The following HGD variants were observed in gnomAD, a reference collection of about 807,000 sequenced individuals.
HGD encodes homogentisate 1,2-dioxygenase.
In HGD, 61 loss-of-function variants were observed where a neutral mutation model predicts 60.8. The observed-to-expected ratio is 1.00, with a 90% confidence interval of 0.82 to 1.24. The LOEUF (loss-of-function observed/expected upper bound fraction) is 1.24, where lower values mean the gene tolerates loss of function less well. Among genes scored for constraint, HGD ranks in the 50% most tolerant of loss-of-function variants. HGD has a pLI of 0.00. For synonymous variants in HGD, 212 were observed against 187.7 expected (o/e 1.13, Z -1.06); for missense variants, 542 against 547.1 (o/e 0.99, Z 0.09).
At chr3:120,652,693 G>T (rs780780542) in intron 4 of HGD, 42 bp from the exon 5 acceptor site, 9 of 1,351,286 alleles carry the variant, frequency 6.7e-6, no homozygotes, top group Non-Finnish European at 9.5e-6. Context: ...CTTCACAAGG[G>T]TAAACCATAG....
At chr3:120,640,782 A>T (rs575442193) in intron 11 of HGD, among the ~76,000 whole-genome samples, 9 of 152,200 alleles carry the variant, frequency 5.9e-5, no homozygotes, top group African/African-American at 2.2e-4. Context: ...TGCTTTTATT[A>T]AGAGTTGCTG....
intron 6 of HGD, among the ~76,000 whole-genome samples, chr3:120,650,350 C>A (rs369087034): frequency 3.6e-4 from 55 of 152,338 alleles, no homozygotes; most frequent in African/African-American, 1.1e-3. Flanking sequence ...AGCCCAATCA[C>A]CTTGGGCACA....
At chr3:120,645,523 T>C (rs998172872) in intron 9 of HGD, among the ~76,000 whole-genome samples, 32 of 152,200 alleles carry the variant, frequency 2.1e-4, no homozygotes, top group African/African-American at 7.7e-4. Flanking sequence ...TTCCTCCAGC[T>C]TGCCAGAAGA....
chr3:120,649,428 C>T (rs1376969253), intron 6 of HGD, among the ~76,000 whole-genome samples: 1 of 152,080 alleles, frequency 6.6e-6, no homozygotes, highest in Non-Finnish European at 1.5e-5. Context: ...CAGGCGTGAT[C>T]CACTGTGCCC....
rs530032005 is a variant in HGD at position 120,674,967 on chromosome 3, T to A, written c.110A>T (p.Tyr37Phe). 12 of 1,611,252 alleles carry A rather than the reference T, an allele frequency of 7.4e-6. No homozygotes were observed. Among genetic ancestry groups the A allele is most frequent in the Non-Finnish European group, 9.3e-6 (11 of 1,177,786 alleles). ...EGQNNPQVCPYNLYAEQLSGS... is the reference protein window; with the variant it reads ...EGQNNPQVCPFNLYAEQLSGS... ...TGAGAGCTGCTCAGCATAGAGATTG[T>A]AGGGGCAGACCTGAGGATTATTCTG... is the stretch of plus-strand genomic sequence containing the variant. The change falls in exon 3 of 14, where the codon TAC becomes TTC. Residue 37 changes from tyrosine (Y) to phenylalanine (F), a missense_variant. By Grantham distance (22) the Tyr-to-Phe change is conservative. Transcript: ENST00000283871.
intron 13 of HGD, among the ~76,000 whole-genome samples, chr3:120,630,831 T>TAC (rs1232070414): frequency 1.4e-4 from 11 of 77,072 alleles, no homozygotes; most frequent in Non-Finnish European, 2.0e-4. Context: ...TATATACACA[T>TAC]ACACACACAC....
chr3:120,661,085 A>C (rs1297386495), intron 4 of HGD, among the ~76,000 whole-genome samples: 1 of 152,208 alleles, frequency 6.6e-6, no homozygotes, highest in Non-Finnish European at 1.5e-5. Flanking sequence ...GGTTTAGAAC[A>C]GTTAAATTTT....
intron 12 of HGD, chr3:120,633,653 G>A (rs1219827903): frequency 1.3e-5 from 16 of 1,203,068 alleles, no homozygotes; most frequent in Middle Eastern, 4.4e-4. Context: ...AATAGAGAGC[G>A]AATGTACTCT....
rs1376406213 is a variant in HGD, at chr3:120,661,234, C to T, written c.283-8583G>A. On this transcript the variant is annotated intron_variant, in intron 4 of 13. Coordinates refer to ENST00000283871, the MANE Select transcript of HGD (RefSeq NM_000187.4). ...GGCTCCTAAACCCAAGCTTTCCCTC[C>T]TTTTAATGGTCTTGTACCTGGTCTT... Among the ~76,000 whole-genome samples, 28 of 152,150 alleles carry T rather than the reference C, an allele frequency of 1.8e-4. 1 individual carries two copies. Among genetic ancestry groups the T allele is most frequent in the Admixed American group, 1.8e-3 (28 of 15,272 alleles).
At chr3:120,648,559 T>C (rs1233426268) in intron 6 of HGD, among the ~76,000 whole-genome samples, 1 of 152,230 alleles carries the variant, frequency 6.6e-6, no homozygotes, top group Non-Finnish European at 1.5e-5. Context: ...AGGAATGCCA[T>C]TTGCATACTT....
chr3:120,669,238 T>A (rs1707970044), intron 4 of HGD, among the ~76,000 whole-genome samples: 1 of 151,736 alleles, frequency 6.6e-6, no homozygotes, highest in Admixed American at 6.6e-5. Context: ...ATGTATTTTC[T>A]ATATTTTGTG....
chr3:120,657,063 C>T (rs1411941245), intron 4 of HGD, among the ~76,000 whole-genome samples: 1 of 152,168 alleles, frequency 6.6e-6, no homozygotes, highest in African/African-American at 2.4e-5. Context: ...GTTCTATCAA[C>T]TGTTGAGAGA....
intron 4 of HGD, among the ~76,000 whole-genome samples, chr3:120,661,219 C>A (rs756313820): frequency 6.6e-6 from 1 of 152,140 alleles, no homozygotes; most frequent in Non-Finnish European, 1.5e-5. Flanking sequence ...GGCTCCTAAA[C>A]CCAAGCTTTC....
At chr3:120,637,238 C>T (rs1419274073) in intron 12 of HGD, among the ~76,000 whole-genome samples, 1 of 149,642 alleles carries the variant, frequency 6.7e-6, no homozygotes, top group South Asian at 2.1e-4. Context: ...TAAATCCTGA[C>T]TCTACACTTA....
intron 11 of HGD, among the ~76,000 whole-genome samples, chr3:120,641,261 C>A (rs1308015819): frequency 1.3e-5 from 2 of 152,150 alleles, no homozygotes; most frequent in African/African-American, 4.8e-5. Context: ...CCTCATTCTA[C>A]CACCGACATT....
intron 4 of HGD, among the ~76,000 whole-genome samples, chr3:120,653,840 T>C (rs1290179154): frequency 6.6e-6 from 1 of 152,174 alleles, no homozygotes; most frequent in East Asian, 1.9e-4. Flanking sequence ...TTACACGAAA[T>C]AATTCTTTGT....
intron 9 of HGD, among the ~76,000 whole-genome samples, chr3:120,645,453 C>A (rs909761220): frequency 2.0e-5 from 3 of 152,198 alleles, no homozygotes; most frequent in Non-Finnish European, 4.4e-5. Context: ...GGCCAATTTT[C>A]CCAGCCATTT....
At chr3:120,650,331 C>A (rs1222209405) in intron 6 of HGD, among the ~76,000 whole-genome samples, 1 of 152,188 alleles carries the variant, frequency 6.6e-6, no homozygotes, top group East Asian at 1.9e-4. Context: ...ATGTATAAAA[C>A]CAAGCTGTAG....
intron 6 of HGD, among the ~76,000 whole-genome samples, chr3:120,649,293 C>T (rs1394048028): frequency 6.6e-6 from 1 of 151,802 alleles, no homozygotes; most frequent in Non-Finnish European, 1.5e-5. Context: ...CAGGCGCCCA[C>T]CACCACGCCC....
Sources: allele counts gnomAD v4.1 joint callset (sites outside exome capture counted in the v4.1 genomes callset), GRCh38; gene constraint gnomAD v4.1.1; transcripts MANE v1.5; gene names NCBI Gene and HGNC (gene_info 2026-07-23, HGNC 2026-07-21).